The following DTNA variants were observed in gnomAD, a reference collection of about 807,000 sequenced individuals.
DTNA encodes the protein dystrobrevin alpha.
A neutral mutation model predicts 100.7 loss-of-function variants in DTNA; 43 were observed. That is an observed-to-expected ratio of 0.43 (90% CI 0.33 to 0.55). The LOEUF (loss-of-function observed/expected upper bound fraction) is 0.55, where lower values mean the gene tolerates loss of function less well. Ranked by LOEUF, DTNA falls within the 20% of genes least tolerant of loss-of-function variation. The probability of loss-of-function intolerance (pLI) is 0.04; values close to 1 mark genes in which losing one functional copy is unlikely to be tolerated. For synonymous variants in DTNA, 349 were observed against 347.9 expected (o/e 1.00, Z -0.04); for missense variants, 798 against 953.9 (o/e 0.84, Z 2.15).
chr18:34,766,253 G>A (rs2093461269), intron 3 of DTNA, among the ~76,000 whole-genome samples: 1 of 152,126 alleles, frequency 6.6e-6, no homozygotes, highest in South Asian at 2.1e-4. Context: ...TAAAGCATAT[G>A]AACCGTTTAG....
At chr18:34,773,428 A>G (rs1174324056) in intron 3 of DTNA, among the ~76,000 whole-genome samples, 2 of 152,218 alleles carry the variant, frequency 1.3e-5, no homozygotes, top group Admixed American at 6.5e-5. Flanking sequence ...AAAGAGAGGG[A>G]TCAGAGGATT....
chr18:34,610,259 G>A (rs888328121), intron 1 of DTNA, among the ~76,000 whole-genome samples: 10 of 152,288 alleles, frequency 6.6e-5, no homozygotes, highest in Admixed American at 4.6e-4. Context: ...CACCTGTGAG[G>A]CTGTGTTTAT....
chr18:34,701,152 C>G (rs1173639965), intron 1 of DTNA, among the ~76,000 whole-genome samples: 1 of 152,124 alleles, frequency 6.6e-6, no homozygotes, highest in Non-Finnish European at 1.5e-5. Flanking sequence ...TCAATTGCTG[C>G]CCTACATTTG....
At chr18:34,529,378 G>A (rs2042935251) in intron 1 of DTNA, among the ~76,000 whole-genome samples, 1 of 151,986 alleles carries the variant, frequency 6.6e-6, no homozygotes, top group South Asian at 2.1e-4. Context: ...AGAAATATAA[G>A]TTGAAGACAG....
intron 21 of DTNA, among the ~76,000 whole-genome samples, chr18:34,882,525 C>A (rs190060747): frequency 6.6e-6 from 1 of 152,020 alleles, no homozygotes; most frequent in Non-Finnish European, 1.5e-5. Context: ...TGCACCACCA[C>A]GCCCAGTTAA....
chr18:34,791,971 T>C (rs1427697406), intron 3 of DTNA, among the ~76,000 whole-genome samples: 1 of 152,232 alleles, frequency 6.6e-6, no homozygotes, highest in Non-Finnish European at 1.5e-5. Context: ...GGACTCCAAG[T>C]CCAGTGCTCC....
intron 3 of DTNA, among the ~76,000 whole-genome samples, chr18:34,780,138 G>T (rs998011565): frequency 3.3e-5 from 5 of 151,988 alleles, no homozygotes; most frequent in Admixed American, 3.3e-4. Context: ...ATAAATTGTC[G>T]GTAGCTGTTT....
At chr18:34,683,295 T>A (rs2078385476) in intron 1 of DTNA, among the ~76,000 whole-genome samples, 1 of 152,192 alleles carries the variant, frequency 6.6e-6, no homozygotes, top group Non-Finnish European at 1.5e-5. Context: ...CTGTCTTTCT[T>A]GATAACTAAT....
chr18:34,795,194 T>C (rs2094917479), intron 4 of DTNA, among the ~76,000 whole-genome samples: 1 of 152,206 alleles, frequency 6.6e-6, no homozygotes, highest in African/African-American at 2.4e-5. Flanking sequence ...TCTCATTGTC[T>C]GGCCAATGCC....
At chr18:34,783,820 C>G (rs930928933) in intron 3 of DTNA, among the ~76,000 whole-genome samples, 7 of 152,094 alleles carry the variant, frequency 4.6e-5, no homozygotes, top group African/African-American at 1.4e-4. Context: ...TTTTTAAATA[C>G]CATTTTCTCA....
At chr18:34,816,702 A>G (rs770025119) in intron 7 of DTNA, among the ~76,000 whole-genome samples, 8 of 152,154 alleles carry the variant, frequency 5.3e-5, no homozygotes, top group Non-Finnish European at 1.2e-4. Context: ...ATTTCTCCAG[A>G]CTTGACGAGG....
At chr18:34,526,011 A>G (rs2042578360) in intron 1 of DTNA, among the ~76,000 whole-genome samples, 1 of 152,062 alleles carries the variant, frequency 6.6e-6, no homozygotes, top group Non-Finnish European at 1.5e-5. Flanking sequence ...ACATCCCTGA[A>G]CTCACCACTC....
intron 20 of DTNA, among the ~76,000 whole-genome samples, chr18:34,880,791 C>A (rs997772861): frequency 6.6e-6 from 1 of 152,210 alleles, no homozygotes; most frequent in Admixed American, 6.5e-5. Context: ...TGGGACTTAA[C>A]ATGGCAGTAC....
intron 17 of DTNA, chr18:34,868,744 AT>A (rs2096734356): frequency 5.1e-6 from 5 of 985,372 alleles, no homozygotes; most frequent in Non-Finnish European, 4.8e-6. Flanking sequence ...ATTAAAAAAA[AT>A]AGTGCCTGTA....
intron 9 of DTNA, 96 bp from the exon 10 acceptor site, chr18:34,827,497 A>C: frequency 9.0e-7 from 1 of 1,116,754 alleles, no homozygotes; most frequent in Non-Finnish European, 1.4e-6. Context: ...TAGAACCCAG[A>C]TCTTCCCATC....
chr18:34,796,260 G>A (rs936115141), intron 4 of DTNA, among the ~76,000 whole-genome samples: 13 of 152,210 alleles, frequency 8.5e-5, no homozygotes, highest in Non-Finnish European at 1.3e-4. Flanking sequence ...CTGATGGCAT[G>A]GAATTTTGGA....
intron 17 of DTNA, among the ~76,000 whole-genome samples, chr18:34,873,073 G>A (rs1456385639): frequency 1.3e-5 from 2 of 152,188 alleles, no homozygotes; most frequent in African/African-American, 4.8e-5. Flanking sequence ...AGGGGTTAAA[G>A]TGCTTTATGG....
In DTNA at chr18:34,530,025, A is replaced by G. The variant is rs112736260; in HGVS notation, c.-2+36511A>G. 6.6e-3 allele frequency among the ~76,000 whole-genome samples: 998 copies of G among 152,232 alleles called. 14 individuals carry two copies. Among genetic ancestry groups the G allele is most frequent in the African/African-American group, 0.023 (959 of 41,560 alleles). ...TATGATAGTGTGTACCTTTCATTCTATGAGATTATATACAAAGGCCAGAGC... is the reference window on the plus strand; with the variant it reads ...TATGATAGTGTGTACCTTTCATTCTGTGAGATTATATACAAAGGCCAGAGC... On this transcript the variant is annotated intron_variant, in intron 1 of 19. Transcript: ENST00000283365.
chr18:34,548,760 C>T lies in DTNA; in HGVS notation c.-2+55246C>T, dbSNP rs542843036. ...TTCACTGACCCCTGAACAAAAATAC[C>T]TTAAGACCTTAACAGAAGTATGTTA... is the stretch of plus-strand genomic sequence containing the variant. On this transcript the variant is annotated intron_variant, in intron 1 of 19. Coordinates refer to the DTNA transcript ENST00000283365. Among the ~76,000 whole-genome samples, 4 of 152,124 alleles carry T rather than the reference C, an allele frequency of 2.6e-5. No homozygotes were observed. In the East Asian group the frequency reaches 7.8e-4, roughly 30 times the overall value.
Sources: gnomAD v4.1 joint callset for allele counts (sites outside exome capture counted in the v4.1 genomes callset) on GRCh38, gnomAD v4.1.1 for gene constraint, MANE v1.5 for transcripts, NCBI Gene and HGNC (gene_info 2026-07-23, HGNC 2026-07-21) for gene names.